The following PCDHGA5 variants were observed in gnomAD, a reference collection of about 807,000 sequenced individuals.
PCDHGA5 encodes protocadherin gamma subfamily A, 5.
Under a neutral mutation model 56.7 loss-of-function variants are expected in PCDHGA5, and 36 were observed. The ratio of observed to expected loss-of-function variants is 0.64; its 90% CI spans 0.49 to 0.84. The LOEUF (loss-of-function observed/expected upper bound fraction) is 0.84. Ranked by LOEUF, PCDHGA5 falls within the 40% of genes least tolerant of loss-of-function variation. The pLI is 0.00. For missense variants in PCDHGA5, 1,305 were observed against 1,201.5 expected, an observed-to-expected ratio of 1.09 and a Z score of -1.27; for synonymous variants, 563 against 520.2, an observed-to-expected ratio of 1.08 and a Z score of -1.12.
chr5:141,388,941 C>T (rs191165529), intron 1 of PCDHGA5: 9 of 1,613,962 alleles, frequency 5.6e-6, no homozygotes, highest in Admixed American at 5.0e-5. Context: ...TCTACCCAAC[C>T]TAATTATGGA....
intron 1 of PCDHGA5, chr5:141,375,430 G>C: frequency 6.2e-7 from 1 of 1,613,848 alleles, no homozygotes; most frequent in Non-Finnish European, 8.5e-7. Flanking sequence ...ACGACAACCC[G>C]CCCACCTTCC....
Position 141,490,293 on chromosome 5 carries a change from A to G in PCDHGA5, c.2422-4514A>G, listed in dbSNP as rs1316965652. On this transcript the variant is annotated intron_variant, in intron 1 of 3. Transcript: ENST00000518069. The surrounding 1 kb of genome is among the most constrained non-coding windows in gnomAD (Gnocchi z 5.4). ...TCAATGACAATGCCCCAGAGGTGCTATTGGCCTCTTTGGCCAACCCTGTCC... is the reference window on the plus strand; with the variant it reads ...TCAATGACAATGCCCCAGAGGTGCTGTTGGCCTCTTTGGCCAACCCTGTCC... The G allele has an allele frequency of 1.2e-6, 2 of 1,614,190 alleles. No individual in the cohort carries two copies. The highest frequency in any genetic ancestry group is 8.5e-7 in the Non-Finnish European group (1 of 1,180,028).
At chr5:141,428,058 G>A (rs752468507) in intron 1 of PCDHGA5, 4 of 1,609,140 alleles carry the variant, frequency 2.5e-6, no homozygotes, top group South Asian at 1.1e-5. Flanking sequence ...GGTGGTGGCG[G>A]TGGACGCAGA....
Position 141,489,075 on chromosome 5 carries a change from C to A in PCDHGA5, c.2422-5732C>A. The A allele has an allele frequency of 3.1e-6, 1 of 324,814 alleles. No individual in the cohort carries two copies. The highest frequency in any genetic ancestry group is 5.5e-6 in the Non-Finnish European group (1 of 180,380). The allele number at this position is 324,814 out of a possible 1,614,324, so 20.1% of individuals were successfully genotyped here. A position where few individuals can be genotyped will look rare whatever the true frequency, so the allele number is the denominator to read the frequency against. ...TCAGCTCCCCTCCCCCCTGCCCACCCCCGCCACTCGGTGACTAAGAACTGC... is the reference window on the plus strand; with the variant it reads ...TCAGCTCCCCTCCCCCCTGCCCACCACCGCCACTCGGTGACTAAGAACTGC... On this transcript the variant is annotated intron_variant, in intron 1 of 3. Coordinates refer to ENST00000518069, the MANE Select transcript of PCDHGA5 (RefSeq NM_018918.3). The surrounding 1 kb of genome is among the most constrained non-coding windows in gnomAD (Gnocchi z 4.5).
intron 1 of PCDHGA5, chr5:141,426,765 G>A (rs1343961009): frequency 1.8e-5 from 8 of 456,530 alleles, no homozygotes; most frequent in Non-Finnish European, 3.5e-5. Flanking sequence ...AGATGCAGAT[G>A]TAGGGCCTCA....
At chr5:141,499,570 A>C (rs1027373056) in intron 2 of PCDHGA5, among the ~76,000 whole-genome samples, 2 of 152,200 alleles carry the variant, frequency 1.3e-5, no homozygotes, top group Non-Finnish European at 2.9e-5. Flanking sequence ...TCCAGCTTCA[A>C]CTAATGCCTT....
intron 1 of PCDHGA5, chr5:141,404,077 C>T: frequency 6.2e-7 from 1 of 1,613,742 alleles, no homozygotes; most frequent in East Asian, 2.2e-5. Flanking sequence ...ATGACCGAGA[C>T]TCCGGGAAGA....
chr5:141,418,597 G>T, intron 1 of PCDHGA5: 7 of 1,614,052 alleles, frequency 4.3e-6, no homozygotes, highest in South Asian at 1.1e-5. Flanking sequence ...GCCAGGACGT[G>T]TACAGGGTTA....
At chr5:141,488,762 C>T (rs1470160100) in intron 1 of PCDHGA5, among the ~76,000 whole-genome samples, 1 of 152,142 alleles carries the variant, frequency 6.6e-6, no homozygotes, top group Non-Finnish European at 1.5e-5. Context: ...TGGGACAGAA[C>T]GCTGAGGAGT....
At chr5:141,393,768 A>G in intron 1 of PCDHGA5, 1 of 1,613,968 alleles carries the variant, frequency 6.2e-7, no homozygotes, top group East Asian at 2.2e-5. Flanking sequence ...TGAAATGGAA[A>G]TACAAGCCGA....
chr5:141,491,802 G>C lies in PCDHGA5; in HGVS notation c.2422-3005G>C, dbSNP rs759587995. 1 of 1,497,480 alleles carries C rather than the reference G, an allele frequency of 6.7e-7. No homozygotes were observed. The highest frequency in any genetic ancestry group is 1.3e-5 in the South Asian group (1 of 74,938). The allele number at this position is 1,497,480 out of a possible 1,614,324, so 92.8% of individuals were successfully genotyped here. A position where few individuals can be genotyped will look rare whatever the true frequency, so the allele number is the denominator to read the frequency against. On this transcript the variant is annotated intron_variant, in intron 1 of 3. Coordinates refer to ENST00000518069, the MANE Select transcript of PCDHGA5 (RefSeq NM_018918.3). The surrounding 1 kb of genome is among the most constrained non-coding windows in gnomAD (Gnocchi z 6.9). ...ACTTGCATCCACTCCTCTCCGGCCG[G>C]CTTGGTCGCTGGCTGCGCTCCACCC...
At chr5:141,387,857 G>A (rs375524405) in intron 1 of PCDHGA5, 124 of 1,594,010 alleles carry the variant, frequency 7.8e-5, no homozygotes, top group Admixed American at 2.1e-4. Context: ...TCTCCAGGCT[G>A]GTGAGCAAGC....
At chr5:141,508,815 C>T (rs1190983144) in intron 3 of PCDHGA5, among the ~76,000 whole-genome samples, 1 of 152,138 alleles carries the variant, frequency 6.6e-6, no homozygotes, top group East Asian at 1.9e-4. Context: ...TCTTTGAAGC[C>T]AGATCTGGGC....
chr5:141,415,119 G>A, intron 1 of PCDHGA5: 1 of 1,613,666 alleles, frequency 6.2e-7, no homozygotes, highest in African/African-American at 1.3e-5. Flanking sequence ...GCCTCGTAGT[G>A]GCCGTCCAGG....
At chr5:141,464,600 C>T (rs970370250) in intron 1 of PCDHGA5, among the ~76,000 whole-genome samples, 24 of 152,118 alleles carry the variant, frequency 1.6e-4, no homozygotes, top group Admixed American at 1.1e-3. Flanking sequence ...CCATAGTCTC[C>T]TTTGCAGAGT....
rs540188136 is a variant in PCDHGA5 at position 141,375,695 on chromosome 5, G to T, written c.2421+8944G>T. Reference sequence around the variant, plus strand: ...GCTGTGGGTGACAGCCAGCGACAGCGGGGACCCGCCTCTTAGCAGCAACGT... The same window carrying T: ...GCTGTGGGTGACAGCCAGCGACAGCTGGGACCCGCCTCTTAGCAGCAACGT... On this transcript the variant is annotated intron_variant, in intron 1 of 3. Coordinates refer to ENST00000518069, the MANE Select transcript of PCDHGA5 (RefSeq NM_018918.3). 1.5e-5 allele frequency: 25 copies of T among 1,614,250 alleles called. No individual in the cohort carries two copies. In the African/African-American group the frequency reaches 2.9e-4, roughly 19 times the overall value.
At chr5:141,445,890 T>A (rs1435563284) in intron 1 of PCDHGA5, among the ~76,000 whole-genome samples, 1 of 152,210 alleles carries the variant, frequency 6.6e-6, no homozygotes, top group Non-Finnish European at 1.5e-5. Flanking sequence ...ACTTAGGAGC[T>A]ATTAAAATAT....
intron 1 of PCDHGA5, chr5:141,388,158 A>T (rs763395906): frequency 3.4e-5 from 50 of 1,469,960 alleles, no homozygotes; most frequent in Non-Finnish European, 4.7e-5. Flanking sequence ...CAGGCTAGAC[A>T]GGGAGGAGAT....
intron 1 of PCDHGA5, chr5:141,408,955 TA>T: frequency 2.5e-6 from 4 of 1,613,616 alleles, no homozygotes; most frequent in Non-Finnish European, 3.4e-6. Flanking sequence ...GAATTAGTCT[TA>T]GTGAAAATCT....
Sources: gnomAD v4.1 joint callset for allele counts (sites outside exome capture counted in the v4.1 genomes callset) on GRCh38, gnomAD v4.1.1 for gene constraint, Gnocchi (gnomAD v3.1) non-coding constraint, MANE v1.5 for transcripts, NCBI Gene and HGNC (gene_info 2026-07-23, HGNC 2026-07-21) for gene names.